ELK3: variants seen among roughly 807,000 people sequenced by gnomAD.
ELK3 encodes the protein ETS domain-containing protein Elk-3.
A neutral mutation model predicts 28.9 loss-of-function variants in ELK3; 10 were observed. The ratio of observed to expected loss-of-function variants is 0.35; its 90% confidence interval spans 0.21 to 0.59. ELK3 has a LOEUF of 0.59. Among genes scored for constraint, ELK3 ranks in the 20% least tolerant of loss-of-function variants. The pLI is 0.82. For synonymous variants in ELK3, 272 were observed against 243.5 expected (o/e 1.12, Z -1.09); for missense variants, 463 against 517.3 (o/e 0.90, Z 1.02).
chr12:96,224,304 A>T (rs920190811), intron 2 of ELK3, among the ~76,000 whole-genome samples: 1 of 152,058 alleles, frequency 6.6e-6, no homozygotes, highest in African/African-American at 2.4e-5. Flanking sequence ...GAGCCATTAC[A>T]TGTAAGTACT....
At chr12:96,221,520 T>TA (rs1387388007) in intron 1 of ELK3, among the ~76,000 whole-genome samples, 4 of 152,140 alleles carry the variant, frequency 2.6e-5, no homozygotes, top group African/African-American at 4.8e-5. Flanking sequence ...AGCAGGCACT[T>TA]AAAGTTTCAA....
At chr12:96,233,859 C>T (rs569279998) in intron 2 of ELK3, among the ~76,000 whole-genome samples, 15 of 152,298 alleles carry the variant, frequency 9.8e-5, no homozygotes, top group South Asian at 4.1e-4. Flanking sequence ...CCTCTGTGCC[C>T]GGCCCTGGGT....
chr12:96,196,161 G>C (rs1180412455), intron 1 of ELK3, among the ~76,000 whole-genome samples: 1 of 152,190 alleles, frequency 6.6e-6, no homozygotes, highest in Non-Finnish European at 1.5e-5. Flanking sequence ...GCTCGGCACA[G>C]GAGGGGTTTT....
rs117247026 is a variant in ELK3, at chr12:96,269,343, A to G, written c.*2163A>G. 5 of 152,190 alleles carry G rather than the reference A, an allele frequency of 3.3e-5. No homozygotes were observed. Among genetic ancestry groups the G allele is most frequent in the Non-Finnish European group, 7.3e-5 (5 of 68,034 alleles). The allele number at this position is 152,190 out of a possible 1,614,324, so 9.4% of individuals were successfully genotyped here. The stretch of plus-strand genomic sequence containing the variant: ...TGCAAAAATCTCAACCAAAACTACT[A>G]TTTTTAGTATACTTGTTTACGTAAA... On this transcript the variant is annotated 3_prime_UTR_variant, in exon 5 of 5. Coordinates refer to ENST00000228741, the MANE Select transcript of ELK3 (RefSeq NM_005230.4).
chr12:96,259,594 C>T (rs981846709), intron 3 of ELK3, 137 bp from the exon 4 acceptor site: 9 of 921,178 alleles, frequency 9.8e-6, no homozygotes, highest in Non-Finnish European at 1.4e-5. Context: ...TCAGAATTAA[C>T]GTTGCCAGTT....
At chr12:96,219,435 C>G (rs1431036000) in intron 1 of ELK3, among the ~76,000 whole-genome samples, 1 of 152,230 alleles carries the variant, frequency 6.6e-6, no homozygotes, top group African/African-American at 2.4e-5. Flanking sequence ...TTCCAACACC[C>G]CAGAGGGCAA....
chr12:96,268,120 T>TAACA lies in ELK3; in HGVS notation c.*941_*944dup, dbSNP rs1307939231. 2.6e-5 allele frequency: 4 copies of TAACA among 152,218 alleles called. No individual in the cohort carries two copies. The East Asian group carries it at 7.7e-4, about 29-fold the overall frequency. The allele number at this position is 152,218 out of a possible 1,614,324, so 9.4% of individuals were successfully genotyped here. Reference sequence around the variant, plus strand: ...GTTGGGGTTCCCCTGGAACTATAATTAACATTTAAAAAATCTAATGCTTTA... The same window carrying TAACA: ...GTTGGGGTTCCCCTGGAACTATAATTAACAAACATTTAAAAAATCTAATGCTTTA... On this transcript the variant is annotated 3_prime_UTR_variant, in exon 5 of 5. Transcript: ENST00000228741.
At chr12:96,248,009 C>T (rs751890235) in intron 3 of ELK3, among the ~76,000 whole-genome samples, 3 of 152,084 alleles carry the variant, frequency 2.0e-5, no homozygotes, top group South Asian at 2.1e-4. Flanking sequence ...GCACACTGGC[C>T]GACAAAGCAG....
intron 2 of ELK3, among the ~76,000 whole-genome samples, chr12:96,225,517 G>A (rs572055520): frequency 1.1e-4 from 17 of 152,360 alleles, no homozygotes; most frequent in East Asian, 3.9e-4. Context: ...TCTGTCAGAC[G>A]TCTAAGGTGC....
Position 96,247,529 on chromosome 12 carries a change from A to T in ELK3, c.797A>T (p.His266Leu). The change falls in exon 3 of 5, where the codon CAT becomes CTT. Residue 266 changes from histidine to leucine, a missense_variant. Physicochemically the swap from His to Leu is moderately conservative, Grantham distance 99. Coordinates refer to ENST00000228741, the MANE Select transcript of ELK3 (RefSeq NM_005230.4). This position sits in a 1 kb window ranked among gnomAD's most constrained non-coding sequence, Gnocchi z 5.5. ...AGCCTCTTCCTGGAGGCCGCCTGCC[A>T]TGACTCCGATTCCCTGGAGCCCTTG... ...HRSLFLEAAC[H>L]DSDSLEPLNL... is the part of the protein sequence containing the mutation. 1 of 1,613,716 alleles carries T rather than the reference A, an allele frequency of 6.2e-7. No individual in the cohort carries two copies. The highest frequency in any genetic ancestry group is 8.5e-7 in the Non-Finnish European group (1 of 1,179,976).
Position 96,247,560 on chromosome 12 carries a change from G to T in ELK3, c.828G>T (p.Leu276=). 1.9e-6 allele frequency: 3 copies of T among 1,614,044 alleles called. No individual in the cohort carries two copies. Among genetic ancestry groups the T allele is most frequent in the Non-Finnish European group, 2.5e-6 (3 of 1,180,028 alleles). ...HDSDSLEPLN[L]SSGSKTKSPS... ...CCGATTCCCTGGAGCCCTTGAACCT[G>T]TCATCGGGCTCCAAGACCAAGTCTC... Residue 276 remains leucine, a synonymous_variant, in exon 3 of 5, where the codon CTG becomes CTT. Transcript: ENST00000228741. This position sits in a 1 kb window ranked among gnomAD's most constrained non-coding sequence, Gnocchi z 5.5.
At chr12:96,236,823 A>G (rs967709592) in intron 2 of ELK3, among the ~76,000 whole-genome samples, 4 of 152,166 alleles carry the variant, frequency 2.6e-5, no homozygotes, top group Non-Finnish European at 4.4e-5. Context: ...AACAATAGAA[A>G]TGTATTCTCT....
At chr12:96,231,419 C>T (rs1951741024) in intron 2 of ELK3, among the ~76,000 whole-genome samples, 1 of 152,244 alleles carries the variant, frequency 6.6e-6, no homozygotes, top group Non-Finnish European at 1.5e-5. Flanking sequence ...GCCCTGACAA[C>T]TGCCAGGCAC....
chr12:96,232,689 T>C (rs1348574652), intron 2 of ELK3, among the ~76,000 whole-genome samples: 2 of 151,750 alleles, frequency 1.3e-5, no homozygotes, highest in Non-Finnish European at 2.9e-5. Context: ...ATGAGAAGAT[T>C]GCTTGAGCCC....
rs539245109 is a variant in ELK3 at position 96,211,373 on chromosome 12, A to C, written c.-2-12192A>C. Among the ~76,000 whole-genome samples, 40 of 152,198 alleles carry C rather than the reference A, an allele frequency of 2.6e-4. No homozygotes were observed. In the South Asian group the frequency reaches 8.3e-3, roughly 32 times the overall value. On this transcript the variant is annotated intron_variant, in intron 1 of 4. Transcript: ENST00000228741. ...TTTAGAGTTTTATAAATCCTGGTGAAATTATGTGTATTTTGTATAGCTGTA... is the reference window on the plus strand; with the variant it reads ...TTTAGAGTTTTATAAATCCTGGTGACATTATGTGTATTTTGTATAGCTGTA...
intron 1 of ELK3, among the ~76,000 whole-genome samples, chr12:96,210,136 G>A (rs918268971): frequency 2.6e-5 from 4 of 152,108 alleles, no homozygotes; most frequent in Non-Finnish European, 5.9e-5. Flanking sequence ...GTAGTATGAG[G>A]GTCGGGGGGC....
intron 3 of ELK3, among the ~76,000 whole-genome samples, chr12:96,249,992 T>A (rs1047615614): frequency 2.9e-4 from 44 of 152,062 alleles, no homozygotes; most frequent in African/African-American, 9.9e-4. Flanking sequence ...GGGGCTGTGA[T>A]GATTTAGTGC....
chr12:96,218,986 A>G (rs1212023871), intron 1 of ELK3, among the ~76,000 whole-genome samples: 1 of 152,194 alleles, frequency 6.6e-6, no homozygotes, highest in East Asian at 1.9e-4. Context: ...GGAATTTTAA[A>G]AAAAAGATTT....
At chr12:96,242,573 G>A (rs192631976) in intron 2 of ELK3, among the ~76,000 whole-genome samples, 3 of 152,312 alleles carry the variant, frequency 2.0e-5, no homozygotes, top group Admixed American at 6.5e-5. Context: ...GCTTCTGGGG[G>A]CAGCCCTGGA....
Sources: allele counts gnomAD v4.1 joint callset (sites outside exome capture counted in the v4.1 genomes callset), GRCh38; gene constraint gnomAD v4.1.1; non-coding constraint Gnocchi (gnomAD v3.1); transcripts MANE v1.5; gene names NCBI Gene and HGNC (gene_info 2026-07-23, HGNC 2026-07-21).